RAP1A: variants seen among roughly 807,000 people sequenced by gnomAD.
RAP1A encodes the protein ras-related protein Rap-1A.
In RAP1A, 6 loss-of-function variants were observed where a neutral mutation model predicts 26.4. That is an observed-to-expected ratio of 0.23 (90% CI 0.12 to 0.45). The LOEUF (loss-of-function observed/expected upper bound fraction) is 0.45, where lower values mean the gene tolerates loss of function less well. RAP1A is among the 20% of genes least tolerant of loss of function. RAP1A has a pLI of 0.99. For synonymous variants in RAP1A, 73 were observed against 79.4 expected (o/e 0.92, Z 0.43); for missense variants, 121 against 217.2 (o/e 0.56, Z 2.78).
intron 1 of RAP1A, among the ~76,000 whole-genome samples, chr1:111,578,073 A>G (rs1360074778): frequency 6.6e-6 from 1 of 152,242 alleles, no homozygotes; most frequent in Admixed American, 6.5e-5. Flanking sequence ...GATGAAGCAG[A>G]GCATGTTTAC....
Position 111,691,420 on chromosome 1 carries a change from A to G in RAP1A, c.57+3A>G. 1.2e-6 allele frequency: 2 copies of G among 1,608,262 alleles called. No homozygotes were observed. Among genetic ancestry groups the G allele is most frequent in the South Asian group, 2.2e-5 (2 of 90,938 alleles). On this transcript the variant is annotated splice_donor_region_variant and intron_variant, in intron 2 of 7. Coordinates refer to ENST00000369709, the MANE Select transcript of RAP1A (RefSeq NM_002884.4). Reference sequence around the variant, plus strand: ...GAGGCGTTGGGAAGTCTGCTCTGGTAAGTTAGCCACCTAACTGTAACTGAT... The same window carrying G: ...GAGGCGTTGGGAAGTCTGCTCTGGTGAGTTAGCCACCTAACTGTAACTGAT...
At chr1:111,694,163 C>T (rs1254428664) in intron 2 of RAP1A, among the ~76,000 whole-genome samples, 1 of 152,140 alleles carries the variant, frequency 6.6e-6, no homozygotes, top group African/African-American at 2.4e-5. Flanking sequence ...GCTAGGAGTA[C>T]AGCATGAGCC....
rs1207560263 is a variant in RAP1A at position 111,712,778 on chromosome 1, A to G, written c.*377A>G. The G allele has an allele frequency of 1.3e-5, 2 of 152,516 alleles. No individual in the cohort carries two copies. Among genetic ancestry groups the G allele is most frequent in the African/African-American group, 4.8e-5 (2 of 41,454 alleles). The allele number at this position is 152,516 out of a possible 1,614,324, so 9.4% of individuals were successfully genotyped here. A position where few individuals can be genotyped will look rare whatever the true frequency, so the allele number is the denominator to read the frequency against. The stretch of plus-strand genomic sequence containing the variant: ...TTTATCATGATCCTCCCTATCAAGC[A>G]CTAAAAAGTTGAACCATTATACTTT... On this transcript the variant is annotated 3_prime_UTR_variant, in exon 8 of 8. Transcript: ENST00000369709.
chr1:111,593,791 CA>C (rs1014000518), intron 1 of RAP1A, among the ~76,000 whole-genome samples: 1 of 147,522 alleles, frequency 6.8e-6, no homozygotes, highest in East Asian at 2.0e-4. Flanking sequence ...TAATCTGTCA[CA>C]AAAAAAACCA....
At chr1:111,671,721 G>A (rs184106934) in intron 1 of RAP1A, among the ~76,000 whole-genome samples, 1 of 152,276 alleles carries the variant, frequency 6.6e-6, no homozygotes, top group African/African-American at 2.4e-5. Flanking sequence ...CGATCCACCC[G>A]CCTTGGCCTC....
intron 1 of RAP1A, among the ~76,000 whole-genome samples, chr1:111,569,555 G>A (rs1210717113): frequency 6.6e-6 from 1 of 151,926 alleles, no homozygotes; most frequent in African/African-American, 2.4e-5. Context: ...TTCTGTCTCT[G>A]TACTAGAAAA....
At chr1:111,648,107 G>T (rs917720472) in intron 1 of RAP1A, among the ~76,000 whole-genome samples, 8 of 150,778 alleles carry the variant, frequency 5.3e-5, no homozygotes, top group Non-Finnish European at 1.2e-4. Context: ...GTCTTGCTCT[G>T]TTGCCCAGGC....
intron 1 of RAP1A, among the ~76,000 whole-genome samples, chr1:111,638,425 TTTTC>T (rs145654771): frequency 0.27 from 40,917 of 151,814 alleles, 5,509 homozygotes; most frequent in Admixed American, 0.31. Context: ...CTGTGTTTAT[TTTTC>T]TTTCTTTCTT....
chr1:111,663,545 A>G (rs1369952731), intron 1 of RAP1A, among the ~76,000 whole-genome samples: 1 of 152,224 alleles, frequency 6.6e-6, no homozygotes, highest in African/African-American at 2.4e-5. Context: ...TGCATTATCT[A>G]ATTTGGTGTT....
Position 111,630,165 on chromosome 1 carries a change from T to A in RAP1A, c.-28+10231T>A, listed in dbSNP as rs75830053. On this transcript the variant is annotated intron_variant, in intron 1 of 7. Coordinates refer to ENST00000369709, the MANE Select transcript of RAP1A (RefSeq NM_002884.4). ...GAGGTGAAATACGAAATGTCTGAAA[T>A]GTGAATAGACTTTTATATGCTTCTA... 1.6e-3 allele frequency among the ~76,000 whole-genome samples: 243 copies of A among 152,366 alleles called. 6 individuals carry two copies. In the East Asian group the frequency reaches 0.045, roughly 28 times the overall value.
At chr1:111,589,738 G>T (rs1003782712) in intron 1 of RAP1A, among the ~76,000 whole-genome samples, 4 of 151,932 alleles carry the variant, frequency 2.6e-5, no homozygotes, top group African/African-American at 4.8e-5. Context: ...TTGCAACAGG[G>T]TCTCACTTTG....
intron 1 of RAP1A, among the ~76,000 whole-genome samples, chr1:111,654,094 A>G (rs1660373208): frequency 6.6e-6 from 1 of 152,220 alleles, no homozygotes; most frequent in Admixed American, 6.5e-5. Context: ...TAAATTGCAT[A>G]TCCTTCTAGT....
intron 1 of RAP1A, among the ~76,000 whole-genome samples, chr1:111,612,427 A>AT (rs201212072): frequency 0.099 from 15,131 of 152,194 alleles, 1,146 homozygotes; most frequent in African/African-American, 0.22. Flanking sequence ...AAGTCTGTTG[A>AT]ATAAAACATA....
At chr1:111,706,740 G>A (rs1057423467) in intron 6 of RAP1A, 18 of 985,072 alleles carry the variant, frequency 1.8e-5, no homozygotes, top group Non-Finnish European at 2.2e-5. Context: ...ATTATAGTTC[G>A]AACTTGCCCT....
intron 1 of RAP1A, among the ~76,000 whole-genome samples, chr1:111,656,696 A>G (rs562367649): frequency 1.3e-5 from 2 of 152,038 alleles, no homozygotes; most frequent in East Asian, 3.9e-4. Flanking sequence ...TCTTTATCCC[A>G]AGAAACTATA....
chr1:111,568,193 A>G (rs1657967755), intron 1 of RAP1A, among the ~76,000 whole-genome samples: 1 of 152,224 alleles, frequency 6.6e-6, no homozygotes, highest in African/African-American at 2.4e-5. Flanking sequence ...CTATAAAGGA[A>G]TACCTGAGGC....
chr1:111,594,486 A>G (rs1286027355), intron 1 of RAP1A, among the ~76,000 whole-genome samples: 2 of 140,698 alleles, frequency 1.4e-5, no homozygotes, highest in African/African-American at 5.7e-5. Flanking sequence ...AACGGAAGGA[A>G]GGAAGGAAGG....
chr1:111,649,286 A>G (rs1660182608), intron 1 of RAP1A: 2 of 461,560 alleles, frequency 4.3e-6, no homozygotes, highest in African/African-American at 2.0e-5. Context: ...CCAGGCTCTC[A>G]CTCTGTCCAG....
intron 1 of RAP1A, among the ~76,000 whole-genome samples, chr1:111,611,381 G>T (rs79904216): frequency 0.049 from 7,496 of 152,228 alleles, 233 homozygotes; most frequent in South Asian, 0.087. Context: ...GAGTCTAAAA[G>T]TTGTGTTAGC....
Sources: allele counts gnomAD v4.1 joint callset (sites outside exome capture counted in the v4.1 genomes callset), GRCh38; gene constraint gnomAD v4.1.1; transcripts MANE v1.5; gene names NCBI Gene and HGNC (gene_info 2026-07-23, HGNC 2026-07-21).